LPIN2: variants seen among roughly 807,000 people sequenced by gnomAD.
LPIN2 encodes lipin 2.
A neutral mutation model predicts 111.4 loss-of-function variants in LPIN2; 55 were observed. That is an observed-to-expected ratio of 0.49 (90% CI 0.40 to 0.62). The LOEUF (loss-of-function observed/expected upper bound fraction) is 0.62. Among genes scored for constraint, LPIN2 ranks in the 20% least tolerant of loss-of-function variants. The pLI is 0.00. For synonymous variants in LPIN2, 425 were observed against 414.0 expected, an observed-to-expected ratio of 1.03 and a Z score of -0.32; for missense variants, 992 against 1,112.1, an observed-to-expected ratio of 0.89 and a Z score of 1.54.
In LPIN2 at chr18:2,919,546, A is replaced by AC. The variant is rs1288082588; in HGVS notation, c.*746dup. ...CGGGGTTTGGTCTGTTTTAAGACCC[A>AC]CCTTCCCACTTTTATTACAGACATC... On this transcript the variant is annotated 3_prime_UTR_variant, in exon 20 of 20. Coordinates refer to ENST00000677752, the MANE Select transcript of LPIN2 (RefSeq NM_001375808.2). 6.6e-6 allele frequency: 1 copy of AC among 152,578 alleles called. No individual in the cohort carries two copies. The highest frequency in any genetic ancestry group is 1.5e-5 in the Non-Finnish European group (1 of 68,348). 9.5% of individuals were successfully genotyped at this position (152,578 alleles called of 1,614,324 possible). A position where few individuals can be genotyped will look rare whatever the true frequency, so the allele number is the denominator to read the frequency against.
intron 1 of LPIN2, among the ~76,000 whole-genome samples, chr18:2,964,493 A>G (rs2077762640): frequency 6.6e-6 from 1 of 152,078 alleles, no homozygotes; most frequent in Non-Finnish European, 1.5e-5. Flanking sequence ...TGTCCTTCTA[A>G]GAGGAGAAAG....
chr18:2,976,246 C>T (rs1179560836), intron 1 of LPIN2, among the ~76,000 whole-genome samples: 3 of 152,188 alleles, frequency 2.0e-5, no homozygotes, highest in Non-Finnish European at 4.4e-5. Flanking sequence ...GGGTGAAGGT[C>T]TCTCAACCTG....
intron 1 of LPIN2, among the ~76,000 whole-genome samples, chr18:2,992,007 CAAA>C (rs60252505): frequency 7.0e-5 from 10 of 142,126 alleles, no homozygotes; most frequent in African/African-American, 2.6e-5. Flanking sequence ...GACTCCATCT[CAAA>C]AAAAAAAAAA....
chr18:2,947,299 CAG>C (rs766795151), intron 4 of LPIN2, among the ~76,000 whole-genome samples: 13 of 124,390 alleles, frequency 1.0e-4, no homozygotes, highest in South Asian at 2.4e-4. Context: ...ATCCAATATG[CAG>C]AGTCTCTTCC....
At chr18:2,920,672 A>T in intron 19 of LPIN2, 106 bp downstream of exon 19, 1 of 889,958 alleles carries the variant, frequency 1.1e-6, no homozygotes, top group Admixed American at 1.9e-5. Context: ...TGATCCTTTG[A>T]TCAGGGCCTG....
intron 1 of LPIN2, among the ~76,000 whole-genome samples, chr18:3,005,626 GAAA>G (rs1411289068): frequency 3.3e-5 from 5 of 151,764 alleles, no homozygotes; most frequent in South Asian, 2.1e-4. Context: ...GCAGTGAGCT[GAAA>G]TCGTGCCACT....
intron 4 of LPIN2, chr18:2,945,476 G>A (rs1452329899): frequency 5.1e-6 from 4 of 786,692 alleles, no homozygotes; most frequent in South Asian, 3.0e-5. Flanking sequence ...AAAGATGACA[G>A]CAGCAAGCCA....
At chr18:2,934,202 A>G (rs1218401990) in intron 8 of LPIN2, 149 bp downstream of exon 8, 2 of 615,190 alleles carry the variant, frequency 3.3e-6, no homozygotes, top group Non-Finnish European at 5.8e-6. Flanking sequence ...GACACGCGCT[A>G]TTTCTAAATT....
intron 1 of LPIN2, among the ~76,000 whole-genome samples, chr18:2,967,264 G>A (rs1027136342): frequency 3.3e-5 from 5 of 152,014 alleles, no homozygotes; most frequent in Non-Finnish European, 7.4e-5. Flanking sequence ...TAAATCATTG[G>A]GTCTCAAGGT....
intron 16 of LPIN2, 87 bp from the exon 17 acceptor site, chr18:2,922,286 T>C: frequency 6.7e-7 from 1 of 1,496,374 alleles, no homozygotes; most frequent in East Asian, 2.3e-5. Context: ...ACACTTTTCT[T>C]TCTTTTTTTT....
intron 3 of LPIN2, among the ~76,000 whole-genome samples, chr18:2,952,659 AC>A (rs11334042): frequency 0.017 from 2,544 of 152,318 alleles, 73 homozygotes; most frequent in African/African-American, 0.057. Context: ...TCCAAAAGAA[AC>A]CCAGATGAGA....
At chr18:2,947,453 T>C (rs1274473528) in intron 4 of LPIN2, among the ~76,000 whole-genome samples, 1 of 152,194 alleles carries the variant, frequency 6.6e-6, no homozygotes, top group Non-Finnish European at 1.5e-5. Flanking sequence ...GGAGGGAGAC[T>C]TACTAGGTAC....
Position 2,920,111 on chromosome 18 carries a change from A to C in LPIN2, c.*182T>G, listed in dbSNP as rs2077030065. The C allele has an allele frequency of 5.4e-6, 4 of 735,494 alleles. No individual in the cohort carries two copies. In the East Asian group the frequency reaches 1.1e-4, roughly 20 times the overall value. The allele number at this position is 735,494 out of a possible 1,614,324, so 45.6% of individuals were successfully genotyped here. ...TCCTCCCTTCTCCTTCCAGGAGCTG[A>C]GCTGCAGACCTGCCGAGCCTGAGCA... On this transcript the variant is annotated 3_prime_UTR_variant, in exon 20 of 20. Coordinates refer to ENST00000677752, the MANE Select transcript of LPIN2 (RefSeq NM_001375808.2).
chr18:2,960,450 A>C (rs2077694994), intron 2 of LPIN2, among the ~76,000 whole-genome samples, 199 bp downstream of exon 2: 1 of 151,884 alleles, frequency 6.6e-6, no homozygotes, highest in South Asian at 2.1e-4. Flanking sequence ...TGGTTTTCAA[A>C]GTAACTTCAA....
chr18:2,999,677 A>G (rs1460445118), intron 1 of LPIN2, among the ~76,000 whole-genome samples: 2 of 152,124 alleles, frequency 1.3e-5, no homozygotes, highest in African/African-American at 4.8e-5. Context: ...ATGTGAATAT[A>G]AAGGCAGAGA....
chr18:2,962,539 G>C (rs76830431), intron 1 of LPIN2, among the ~76,000 whole-genome samples: 1 of 152,032 alleles, frequency 6.6e-6, no homozygotes, highest in African/African-American at 2.4e-5. Flanking sequence ...TAAAAAAAAA[G>C]TGTGGGGAGG....
intron 1 of LPIN2, among the ~76,000 whole-genome samples, chr18:2,988,096 G>A (rs545183492): frequency 6.8e-6 from 1 of 147,326 alleles, no homozygotes; most frequent in Non-Finnish European, 1.5e-5. Context: ...TTACTTATCT[G>A]TAGCCTTAAA....
rs1431204597 is a variant in LPIN2, at chr18:2,925,190, T to G, written c.1938+34A>C. 1 of 1,613,532 alleles carries G rather than the reference T, an allele frequency of 6.2e-7. No homozygotes were observed. The highest frequency in any genetic ancestry group is 1.3e-5 in the African/African-American group (1 of 75,014). On this transcript the variant is annotated intron_variant, in intron 14 of 19. Coordinates refer to ENST00000677752, the MANE Select transcript of LPIN2 (RefSeq NM_001375808.2). The surrounding 1 kb of genome is among the most constrained non-coding windows in gnomAD (Gnocchi z 4.1). ...CAAATTAAACCATTACTAAAATAAG[T>G]CCTACTGGACAACACAGATCATGCA... is the stretch of plus-strand genomic sequence containing the variant.
intron 1 of LPIN2, among the ~76,000 whole-genome samples, chr18:2,962,857 CAAAA>C (rs1234400387): frequency 6.6e-6 from 1 of 151,356 alleles, no homozygotes; most frequent in Non-Finnish European, 1.5e-5. Flanking sequence ...TTAAAATAAA[CAAAA>C]AAATGCTAAC....
Sources: allele counts gnomAD v4.1 joint callset (sites outside exome capture counted in the v4.1 genomes callset), GRCh38; gene constraint gnomAD v4.1.1; non-coding constraint Gnocchi (gnomAD v3.1); transcripts MANE v1.5; gene names NCBI Gene and HGNC (gene_info 2026-07-23, HGNC 2026-07-21).